The following AURKC variants were observed in gnomAD, a reference collection of about 807,000 sequenced individuals.
AURKC encodes aurora kinase C, also known as ARK-3.
Under a neutral mutation model 29.2 loss-of-function variants are expected in AURKC, and 15 were observed. The ratio of observed to expected loss-of-function variants is 0.51; its 90% confidence interval spans 0.34 to 0.79. The LOEUF is 0.79. Among genes scored for constraint, AURKC ranks in the 30% least tolerant of loss-of-function variants. The probability of loss-of-function intolerance (pLI) is 0.01; values close to 1 mark genes in which losing one functional copy is unlikely to be tolerated. For missense variants in AURKC, 332 were observed against 383.2 expected (o/e 0.87, Z 1.12); for synonymous variants, 150 against 149.9 (o/e 1.00, Z -0.01).
Position 57,231,232 on chromosome 19 carries a change from C to G in AURKC, c.-17C>G. ...AGAGGGTTCAGGAAGGCGTCCGCGC[C>G]CTCACCTCTTCTCCCCATGAGCTCC... On this transcript the variant is annotated 5_prime_UTR_variant, in exon 1 of 7. Transcript: ENST00000302804. 1 of 1,551,808 alleles carries G rather than the reference C, an allele frequency of 6.4e-7. No homozygotes were observed. Among genetic ancestry groups the G allele is most frequent in the Non-Finnish European group, 8.7e-7 (1 of 1,147,052 alleles).
chr19:57,235,151 G>A, intron 6 of AURKC, 93 bp downstream of exon 6: 2 of 1,610,456 alleles, frequency 1.2e-6, no homozygotes, highest in Non-Finnish European at 1.7e-6. Flanking sequence ...GTCTTCTGTG[G>A]TCCAGAACAG....
chr19:57,233,459 GAT>G lies in AURKC; in HGVS notation c.437_438del (p.Ile146AsnfsTer13). ...EKLDEQRTAT[I>X]IEELADALTY... ...AGGGTGACTTTTCTTTGCACCCACAGATAATAGAGGAGTTGGCAGATGCCCTG... is the reference window on the plus strand; with the variant it reads ...AGGGTGACTTTTCTTTGCACCCACAGAATAGAGGAGTTGGCAGATGCCCTG... On this transcript the variant is annotated frameshift_variant and splice_region_variant, in exon 5 of 7. Transcript: ENST00000302804. LOFTEE classifies it high-confidence loss of function. The G allele has an allele frequency of 6.2e-7, 1 of 1,614,196 alleles. No homozygotes were observed. Among genetic ancestry groups the G allele is most frequent in the Non-Finnish European group, 8.5e-7 (1 of 1,180,028 alleles).
rs866773092 is a variant in AURKC, at chr19:57,232,034, C to T, written c.106C>T (p.Arg36Trp). 1.9e-6 allele frequency: 3 copies of T among 1,614,054 alleles called. No individual in the cohort carries two copies. Among genetic ancestry groups the T allele is most frequent in the Non-Finnish European group, 2.5e-6 (3 of 1,180,022 alleles). ...GCTTTTTTCTTCCTCTCCTGTCAGG[C>T]GGCGCCTCACAGTCGATGACTTTGA... Reference protein sequence around the residue: ...TAQQPSSPAMRRLTVDDFEIG... With the variant: ...TAQQPSSPAMWRLTVDDFEIG... The change falls in exon 3 of 7, where the codon CGG becomes TGG. Residue 36 changes from arginine (R) to tryptophan (W), a missense_variant and splice_region_variant. Physicochemically the swap from Arg to Trp is moderately radical, Grantham distance 101. Transcript: ENST00000302804. The surrounding 1 kb of genome is among the most constrained non-coding windows in gnomAD (Gnocchi z 4.5).
In AURKC at chr19:57,232,048, C is replaced by A; in HGVS notation, c.120C>A (p.Val40=). Residue 40 remains valine, a synonymous_variant, in exon 3 of 7, where the codon GTC becomes GTA. Transcript: ENST00000302804. This position sits in a 1 kb window ranked among gnomAD's most constrained non-coding sequence, Gnocchi z 4.5. The part of the protein sequence containing the change: ...PSSPAMRRLT[V]DDFEIGRPLG... ...CTCCTGTCAGGCGGCGCCTCACAGTCGATGACTTTGAAATCGGGCGTCCCC... is the reference window on the plus strand; with the variant it reads ...CTCCTGTCAGGCGGCGCCTCACAGTAGATGACTTTGAAATCGGGCGTCCCC... 1.9e-6 allele frequency: 3 copies of A among 1,614,070 alleles called. No individual in the cohort carries two copies. The South Asian group carries it at 3.3e-5, about 18-fold the overall frequency.
intron 5 of AURKC, 147 bp downstream of exon 5, chr19:57,233,755 T>TTTTC: frequency 3.4e-6 from 2 of 594,328 alleles, no homozygotes; most frequent in South Asian, 2.8e-5. Context: ...TTTTCTTTTC[T>TTTTC]TTTTTTTTTT....
rs2122803222 is a variant in AURKC, at chr19:57,232,367, G to A, written c.296+143G>A. ...CCATTTACACTACCTCCTACCCTGG[G>A]TCAGACACTCGAATCCTGGTTCCTG... On this transcript the variant is annotated intron_variant, in intron 3 of 6. Transcript: ENST00000302804. The surrounding 1 kb of genome is among the most constrained non-coding windows in gnomAD (Gnocchi z 4.5). The A allele has an allele frequency of 1.4e-6, 2 of 1,402,848 alleles. No homozygotes were observed. The highest frequency in any genetic ancestry group is 2.4e-5 in the South Asian group (2 of 84,616). 86.9% of individuals were successfully genotyped at this position (1,402,848 alleles called of 1,614,324 possible).
At position 57,232,613 on chromosome 19, in the gene AURKC, C is replaced by T. The variant is rs774633250; in HGVS notation, c.368C>T (p.Ala123Val). The T allele has an allele frequency of 1.2e-6, 2 of 1,614,144 alleles. No homozygotes were observed. Among genetic ancestry groups the T allele is most frequent in the Non-Finnish European group, 1.7e-6 (2 of 1,180,040 alleles). The change falls in exon 4 of 7, where the codon GCT (alanine) becomes GTT (valine). Residue 123 changes from alanine to valine, a missense_variant. Ala to Val is a moderately conservative substitution (Grantham distance 64). Transcript: ENST00000302804. This position sits in a 1 kb window ranked among gnomAD's most constrained non-coding sequence, Gnocchi z 4.5. The stretch of plus-strand genomic sequence containing the variant: ...CGGGTGTACCTGATTCTGGAATATG[C>T]TCCAAGGGGTGAGCTCTACAAGGAG... ...ARRVYLILEY[A>V]PRGELYKELQ... is the part of the protein sequence containing the mutation.
At chr19:57,234,733 A>G (rs987311496) in intron 5 of AURKC, 151 bp from the exon 6 acceptor site, 3 of 788,304 alleles carry the variant, frequency 3.8e-6, no homozygotes, top group African/African-American at 3.5e-5. Flanking sequence ...CTTGATCCAT[A>G]TTAAAAATTT....
Position 57,232,569 on chromosome 19 carries a change from C to CTAG in AURKC, c.326_327insGTA (p.Asn108_Tyr109insTer). ...ACCCCAATATCCTGCGCCTGTATAA[C>CTAG]TATTTCCATGATGCACGCCGGGTGT... On this transcript the variant is annotated stop_gained and inframe_insertion, in exon 4 of 7. Transcript: ENST00000302804. LOFTEE classifies it high-confidence loss of function. This position sits in a 1 kb window ranked among gnomAD's most constrained non-coding sequence, Gnocchi z 4.5. 1.2e-6 allele frequency: 2 copies of CTAG among 1,614,192 alleles called. No homozygotes were observed. Among genetic ancestry groups the CTAG allele is most frequent in the Non-Finnish European group, 1.7e-6 (2 of 1,180,046 alleles).
chr19:57,231,582 CT>C, intron 1 of AURKC, 159 bp from the exon 2 acceptor site: 2 of 823,422 alleles, frequency 2.4e-6, no homozygotes, highest in Admixed American at 2.1e-5. Context: ...CTCCCTCCCC[CT>C]CTCCCTGCCT....
intron 5 of AURKC, among the ~76,000 whole-genome samples, chr19:57,234,654 G>A (rs1381508230): frequency 6.6e-6 from 1 of 152,172 alleles, no homozygotes; most frequent in Non-Finnish European, 1.5e-5. Context: ...TGGAGCATGA[G>A]CTAAATCACT....
Position 57,232,818 on chromosome 19 carries a change from A to G in AURKC, c.435+138A>G, listed in dbSNP as rs758396174. 3 of 1,113,020 alleles carry G rather than the reference A, an allele frequency of 2.7e-6. No individual in the cohort carries two copies. The highest frequency in any genetic ancestry group is 4.0e-6 in the Non-Finnish European group (3 of 756,270). 68.9% of individuals were successfully genotyped at this position (1,113,020 alleles called of 1,614,324 possible). A position where few individuals can be genotyped will look rare whatever the true frequency, so the allele number is the denominator to read the frequency against. On this transcript the variant is annotated intron_variant, in intron 4 of 6. Transcript: ENST00000302804. The surrounding 1 kb of genome is among the most constrained non-coding windows in gnomAD (Gnocchi z 4.5). ...AATGTTATTGTGTAAATTTAATATA[A>G]TGGCACGTATGTTCTACAGCTTTAT...
chr19:57,232,129 C>T lies in AURKC; in HGVS notation c.201C>T (p.Phe67=), dbSNP rs747153965. 2 of 1,614,130 alleles carry T rather than the reference C, an allele frequency of 1.2e-6. No homozygotes were observed. The highest frequency in any genetic ancestry group is 3.3e-5 in the Admixed American group (2 of 60,010). The change falls in exon 3 of 7, where the codon TTC becomes TTT. Residue 67 remains phenylalanine (F), a synonymous_variant. Transcript: ENST00000302804. The surrounding 1 kb of genome is among the most constrained non-coding windows in gnomAD (Gnocchi z 4.5). ...VYLARLKESH[F]IVALKVLFKS... ...TGGCTCGGCTCAAGGAAAGCCATTT[C>T]ATTGTGGCCCTGAAGGTTCTCTTCA...
At position 57,231,118 on chromosome 19, in the gene AURKC, A is replaced by T. The variant is rs778710389; in HGVS notation, c.-131A>T. ...CCTGTGTAGCAGTGAGACATCAGTG[A>T]GGCTGCAGGACGAGCAGGATTGGAA... On this transcript the variant is annotated 5_prime_UTR_variant, in exon 1 of 7. Coordinates refer to ENST00000302804, the MANE Select transcript of AURKC (RefSeq NM_001015878.2). The T allele has an allele frequency of 2.1e-6, 3 of 1,444,530 alleles. No individual in the cohort carries two copies. In the African/African-American group the frequency reaches 5.3e-5, roughly 25 times the overall value. 89.5% of individuals were successfully genotyped at this position (1,444,530 alleles called of 1,614,324 possible). A position where few individuals can be genotyped will look rare whatever the true frequency, so the allele number is the denominator to read the frequency against.
chr19:57,231,226 C>T lies in AURKC; in HGVS notation c.-23C>T. 6.4e-7 allele frequency: 1 copy of T among 1,551,738 alleles called. No homozygotes were observed. Among genetic ancestry groups the T allele is most frequent in the South Asian group, 1.2e-5 (1 of 84,066 alleles). On this transcript the variant is annotated 5_prime_UTR_variant, in exon 1 of 7. Coordinates refer to ENST00000302804, the MANE Select transcript of AURKC (RefSeq NM_001015878.2). ...CCATCCAGAGGGTTCAGGAAGGCGTCCGCGCCCTCACCTCTTCTCCCCATG... is the reference window on the plus strand; with the variant it reads ...CCATCCAGAGGGTTCAGGAAGGCGTTCGCGCCCTCACCTCTTCTCCCCATG...
chr19:57,233,551 T>C lies in AURKC; in HGVS notation c.527T>C (p.Phe176Ser), dbSNP rs1568484519. ...AAGCCAGAGAACCTGCTGCTGGGGT[T>C]CAGGGGTGAGGTGAAGATTGCAGAT... ...DIKPENLLLG[F>S]RGEVKIADFG... is the part of the protein sequence containing the mutation. The change falls in exon 5 of 7, where the codon TTC becomes TCC. Residue 176 changes from phenylalanine to serine, a missense_variant. Physicochemically the swap from Phe to Ser is radical, Grantham distance 155. Transcript: ENST00000302804. The C allele has an allele frequency of 1.2e-6, 2 of 1,614,056 alleles. No homozygotes were observed. The highest frequency in any genetic ancestry group is 1.7e-6 in the Non-Finnish European group (2 of 1,180,048).
intron 5 of AURKC, among the ~76,000 whole-genome samples, chr19:57,234,053 C>CTTTT (rs10586926): frequency 7.1e-5 from 8 of 112,602 alleles, no homozygotes; most frequent in Non-Finnish European, 1.1e-4. Context: ...TTTTTCTTTT[C>CTTTT]TTTTTTTTTT....
At chr19:57,234,109 T>C (rs1396043505) in intron 5 of AURKC, among the ~76,000 whole-genome samples, 1 of 146,202 alleles carries the variant, frequency 6.8e-6, no homozygotes, top group Non-Finnish European at 1.5e-5. Context: ...CCAGGCTAGA[T>C]TGCAATAGTG....
Position 57,232,963 on chromosome 19 carries a change from A to G in AURKC, c.435+283A>G, listed in dbSNP as rs796852154. Among the ~76,000 whole-genome samples, 2 of 152,338 alleles carry G rather than the reference A, an allele frequency of 1.3e-5. 1 individual carries two copies. The highest frequency in any genetic ancestry group is 4.8e-5 in the African/African-American group (2 of 41,564). On this transcript the variant is annotated intron_variant, in intron 4 of 6. Coordinates refer to ENST00000302804, the MANE Select transcript of AURKC (RefSeq NM_001015878.2). The surrounding 1 kb of genome is among the most constrained non-coding windows in gnomAD (Gnocchi z 4.5). ...ACTCCACTGCCTTATGTAAAGAAAC[A>G]TATTGAAAGGCTCTGAAGGAGTTCA...
Sources: allele counts gnomAD v4.1 joint callset (sites outside exome capture counted in the v4.1 genomes callset), GRCh38; gene constraint gnomAD v4.1.1; non-coding constraint Gnocchi (gnomAD v3.1); transcripts MANE v1.5; gene names NCBI Gene and HGNC (gene_info 2026-07-23, HGNC 2026-07-21).